The following FAAH2 variants were observed in gnomAD, a reference collection of about 807,000 sequenced individuals.
FAAH2 encodes the protein fatty-acid amide hydrolase 2.
FAAH2 carries 60 observed loss-of-function variants against 36.9 expected under a neutral mutation model. That is an observed-to-expected ratio of 1.63 (90% CI 1.32 to 2.02). FAAH2 has a LOEUF of 2.02. Ranked by LOEUF, FAAH2 falls within the 30% of genes most tolerant of loss-of-function variation. The pLI is 0.00. For synonymous variants in FAAH2, 214 were observed against 143.8 expected, an observed-to-expected ratio of 1.49 and a Z score of -3.49; for missense variants, 689 against 397.5, an observed-to-expected ratio of 1.73 and a Z score of -6.23.
chrX:57,208,281 A>G, the FAAH2 span, among the ~76,000 whole-genome samples: 1 of 112,360 alleles, frequency 8.9e-6, no homozygotes, highest in African/African-American at 3.2e-5. Flanking sequence ...TTTAGCTGGC[A>G]AACAAACCTG....
Position 57,292,506 on chromosome X carries a change from T to A in FAAH2, c.201T>A (p.Cys67Ter), listed in dbSNP as rs1442389399. The A allele has an allele frequency of 8.3e-7, 1 of 1,208,151 alleles. No individual in the cohort carries two copies. The highest frequency in any genetic ancestry group is 1.1e-6 in the Non-Finnish European group (1 of 893,189). ...AGTATTGTATTTTGCAGGTGAAATG[T>A]ATAGATGTTGTTCAGGCTTATATCA... ...AKLIRQRKVKCIDVVQAYINR... is the reference protein window; with the variant it reads ...AKLIRQRKVK Residue 67 changes from cysteine (C) to a stop codon, truncating the protein, a stop_gained, in exon 2 of 11, where the codon TGT becomes TGA. Coordinates refer to ENST00000374900, the MANE Select transcript of FAAH2 (RefSeq NM_174912.4). LOFTEE classifies it high-confidence loss of function.
chrX:57,251,955 A>G, the FAAH2 span, among the ~76,000 whole-genome samples: 3 of 111,944 alleles, frequency 2.7e-5, no homozygotes, highest in African/African-American at 9.7e-5. Context: ...AGCCAAGGGA[A>G]GCCATGAGTG....
chrX:57,300,877 C>A (rs1042117706), intron 2 of FAAH2, among the ~76,000 whole-genome samples: 1 of 112,056 alleles, frequency 8.9e-6, no homozygotes, highest in African/African-American at 3.2e-5. Context: ...TCATCACTGG[C>A]CATCAGAGAA....
At chrX:57,210,815 C>T in the FAAH2 span, among the ~76,000 whole-genome samples, 1 of 112,564 alleles carries the variant, frequency 8.9e-6, no homozygotes, top group African/African-American at 3.2e-5. Flanking sequence ...CAACTCTTCC[C>T]ATTTTCATTT....
At chrX:57,209,748 C>T in the FAAH2 span, among the ~76,000 whole-genome samples, 1 of 111,140 alleles carries the variant, frequency 9.0e-6, no homozygotes, top group African/African-American at 3.3e-5. Flanking sequence ...AATTCAGCAC[C>T]AGGACTCAAC....
chrX:57,232,147 T>C, the FAAH2 span, among the ~76,000 whole-genome samples: 1 of 111,805 alleles, frequency 8.9e-6, no homozygotes, highest in Non-Finnish European at 1.9e-5. Context: ...GGGAAGAAAG[T>C]GCTAGCCCCC....
intron 10 of FAAH2, among the ~76,000 whole-genome samples, chrX:57,487,427 C>T (rs1378092593): frequency 9.0e-6 from 1 of 111,695 alleles, no homozygotes; most frequent in Non-Finnish European, 1.9e-5. Context: ...TCTTACAACT[C>T]AATAATAAGA....
chrX:57,432,911 G>A (rs1220706230), intron 8 of FAAH2, among the ~76,000 whole-genome samples: 2 of 108,040 alleles, frequency 1.9e-5, no homozygotes, highest in African/African-American at 6.8e-5. Flanking sequence ...TTTTTTATAA[G>A]ATATCTCACA....
At chrX:57,293,764 G>C (rs776592508) in intron 2 of FAAH2, among the ~76,000 whole-genome samples, 1 of 111,360 alleles carries the variant, frequency 9.0e-6, no homozygotes, top group Admixed American at 9.6e-5. Flanking sequence ...ATAAAGACCT[G>C]AGAGAAAATC....
chrX:57,415,766 G>C (rs755528271), intron 7 of FAAH2, among the ~76,000 whole-genome samples: 15 of 111,091 alleles, frequency 1.4e-4, no homozygotes, highest in Non-Finnish European at 2.6e-4. Context: ...CTGAGTTCAA[G>C]TCCTGAACAT....
At chrX:57,242,366 C>T in the FAAH2 span, among the ~76,000 whole-genome samples, 118 of 112,183 alleles carry the variant, frequency 1.1e-3, no homozygotes, top group Non-Finnish European at 1.6e-3. Flanking sequence ...AGAAAAGGGG[C>T]CTGATTGTTA....
intron 7 of FAAH2, among the ~76,000 whole-genome samples, chrX:57,387,843 T>A (rs1199897794): frequency 9.0e-6 from 1 of 110,825 alleles, no homozygotes. Flanking sequence ...AAGGAGGAAG[T>A]GGAGGAACAT....
intron 5 of FAAH2, among the ~76,000 whole-genome samples, chrX:57,371,954 T>A (rs765530101): frequency 3.1e-4 from 35 of 112,049 alleles, no homozygotes; most frequent in Non-Finnish European, 6.2e-4. Context: ...TCAGGCTGCA[T>A]TAATGTTGCT....
chrX:57,218,277 C>A, the FAAH2 span, among the ~76,000 whole-genome samples: 2 of 111,511 alleles, frequency 1.8e-5, no homozygotes, highest in African/African-American at 3.3e-5. Flanking sequence ...TGTCTTGTTT[C>A]CATTCTCAGA....
At chrX:57,406,326 G>T (rs1221251890) in intron 7 of FAAH2, among the ~76,000 whole-genome samples, 3 of 112,461 alleles carry the variant, frequency 2.7e-5, no homozygotes, top group South Asian at 3.7e-4. Context: ...CTCTCAGAAA[G>T]CTTATCTTGC....
the FAAH2 span, among the ~76,000 whole-genome samples, chrX:57,221,013 C>G: frequency 8.9e-6 from 1 of 111,838 alleles, no homozygotes; most frequent in Admixed American, 9.4e-5. Context: ...TAAATTAATA[C>G]CAGGCAACCT....
intron 10 of FAAH2, among the ~76,000 whole-genome samples, chrX:57,457,347 T>C (rs1183779973): frequency 1.8e-5 from 2 of 111,224 alleles, no homozygotes; most frequent in African/African-American, 3.3e-5. Flanking sequence ...AACGTAATAC[T>C]GAATGAGCAA....
the FAAH2 span, among the ~76,000 whole-genome samples, chrX:57,182,063 A>G: frequency 1.8e-5 from 2 of 111,958 alleles, no homozygotes; most frequent in Non-Finnish European, 3.8e-5. Context: ...TCCTTACACT[A>G]TATACAAAAA....
chrX:57,459,516 C>G (rs1055499953), intron 10 of FAAH2, among the ~76,000 whole-genome samples: 6 of 112,399 alleles, frequency 5.3e-5, no homozygotes, highest in African/African-American at 1.6e-4. Context: ...ACTGCCTCCT[C>G]AAGTGGGTCT....
Sources: gnomAD v4.1 joint callset for allele counts (sites outside exome capture counted in the v4.1 genomes callset) on GRCh38, gnomAD v4.1.1 for gene constraint, MANE v1.5 for transcripts, NCBI Gene and HGNC (gene_info 2026-07-23, HGNC 2026-07-21) for gene names.